Variants in ATP8B2 observed in about 807,000 individuals in gnomAD.
ATP8B2 encodes phospholipid-transporting ATPase ID.
In ATP8B2, 70 loss-of-function variants were observed where a neutral mutation model predicts 133.4. The observed-to-expected ratio is 0.52, with a 90% CI of 0.43 to 0.64. ATP8B2 has a LOEUF of 0.64. Among genes scored for constraint, ATP8B2 ranks in the 30% least tolerant of loss-of-function variants. ATP8B2 has a pLI of 0.00. For missense variants in ATP8B2, 1,101 were observed against 1,535.7 expected (o/e 0.72, Z 4.73); for synonymous variants, 517 against 589.5 (o/e 0.88, Z 1.78).
Position 154,343,537 on chromosome 1 carries a change from A to G in ATP8B2, c.1727A>G (p.Glu576Gly). ...LLDRLHHSTQ[E>G]LLNTTMDHLN... ...GACAGACTGCACCACTCCACTCAAG[A>G]GCTGCTCAACACCACCATGGACCAC... The change falls in exon 17 of 28, where the codon GAG (glutamate) becomes GGG (glycine). Residue 576 changes from glutamate to glycine, a missense_variant. By Grantham distance (98) the Glu-to-Gly change is moderately conservative. Transcript: ENST00000368489. This position sits in a 1 kb window ranked among gnomAD's most constrained non-coding sequence, Gnocchi z 5.8. The G allele has an allele frequency of 6.2e-7, 1 of 1,613,918 alleles. No individual in the cohort carries two copies. The highest frequency in any genetic ancestry group is 2.2e-5 in the East Asian group (1 of 44,870).
chr1:154,344,013 G>A lies in ATP8B2; in HGVS notation c.1879G>A (p.Asp627Asn), dbSNP rs536813523. The A allele has an allele frequency of 6.2e-7, 1 of 1,614,174 alleles. No individual in the cohort carries two copies. Among genetic ancestry groups the A allele is most frequent in the South Asian group, 1.1e-5 (1 of 91,088 alleles). ...CAGCCTGGCCCAGGACAGCCGGGAG[G>A]ACAGGCTGGCTAGCATCTATGAGGA... ...QASLAQDSRE[D>N]RLASIYEEVE... Residue 627 changes from aspartate to asparagine, a missense_variant, in exon 18 of 28, where the codon GAC becomes AAC. Asp to Asn is a conservative substitution (Grantham distance 23). Coordinates refer to ENST00000368489, the MANE Select transcript of ATP8B2 (RefSeq NM_001370597.1). The surrounding 1 kb of genome is among the most constrained non-coding windows in gnomAD (Gnocchi z 4.1).
chr1:154,326,201 C>T (rs1685783007), intron 1 of ATP8B2, among the ~76,000 whole-genome samples: 2 of 152,026 alleles, frequency 1.3e-5, no homozygotes, highest in Non-Finnish European at 1.5e-5. Flanking sequence ...GTGCCGGGAG[C>T]CCTGAGTTCT....
chr1:154,342,532 C>A lies in ATP8B2; in HGVS notation c.1287+9C>A, dbSNP rs773458897. The A allele has an allele frequency of 8.1e-6, 13 of 1,612,242 alleles. No individual in the cohort carries two copies. Among genetic ancestry groups the A allele is most frequent in the Non-Finnish European group, 1.1e-5 (13 of 1,178,436 alleles). On this transcript the variant is annotated intron_variant, in intron 14 of 27. Transcript: ENST00000368489. ...AAGCTGAATTGGGAGAGGTAAGATT[C>A]AGTCTCCCTAATTCTATGTGCCAGT...
rs565920254 is a variant in ATP8B2, at chr1:154,343,319, G to A, written c.1642+18G>A. On this transcript the variant is annotated intron_variant, in intron 16 of 27. Coordinates refer to ENST00000368489, the MANE Select transcript of ATP8B2 (RefSeq NM_001370597.1). This position sits in a 1 kb window ranked among gnomAD's most constrained non-coding sequence, Gnocchi z 5.8. Reference sequence around the variant, plus strand: ...GGTCATAGGTGAGGCCAGGCCTGGGGTGCTGGGGCGTTTGGGGACAGCATT... The same window carrying A: ...GGTCATAGGTGAGGCCAGGCCTGGGATGCTGGGGCGTTTGGGGACAGCATT... The A allele has an allele frequency of 2.5e-6, 4 of 1,612,980 alleles. No homozygotes were observed. Among genetic ancestry groups the A allele is most frequent in the South Asian group, 2.2e-5 (2 of 90,996 alleles).
Position 154,344,074 on chromosome 1 carries a change from G to C in ATP8B2, c.1923+17G>C, listed in dbSNP as rs367650067. The C allele has an allele frequency of 6.2e-7, 1 of 1,613,964 alleles. No individual in the cohort carries two copies. Among genetic ancestry groups the C allele is most frequent in the South Asian group, 1.1e-5 (1 of 91,084 alleles). On this transcript the variant is annotated intron_variant, in intron 18 of 27. Transcript: ENST00000368489. This position sits in a 1 kb window ranked among gnomAD's most constrained non-coding sequence, Gnocchi z 4.1. ...AACATGATGGTACGGGCTGCGGGAC[G>C]GGCCAAGGATGGGCACGGAGGGCTC...
intron 11 of ATP8B2, among the ~76,000 whole-genome samples, chr1:154,337,097 C>G (rs1325129614): frequency 7.7e-6 from 1 of 130,490 alleles, no homozygotes; most frequent in Admixed American, 8.8e-5. Flanking sequence ...TGCGCCCAGC[C>G]CATAATAGTT....
rs1210988650 is a variant in ATP8B2, at chr1:154,330,920, A to T, written c.196A>T (p.Ile66Phe). The change falls in exon 4 of 28, where the codon ATT becomes TTT. Residue 66 changes from isoleucine to phenylalanine, a missense_variant. By Grantham distance (21) the Ile-to-Phe change is conservative. Transcript: ENST00000368489. ...VANTYFLFLL[I>F]LQLIPQISSL... ...CAACACTTACTTCCTGTTCCTCCTC[A>T]TTCTGCAGGTAGGTGACCCATAGTA... 1 of 1,613,420 alleles carries T rather than the reference A, an allele frequency of 6.2e-7. No homozygotes were observed. The highest frequency in any genetic ancestry group is 1.1e-5 in the South Asian group (1 of 91,052).
rs576140866 is a variant in ATP8B2, at chr1:154,343,493, G to A, written c.1683G>A (p.Gly561=). The change falls in exon 17 of 28, where the codon GGG becomes GGA. Residue 561 remains glycine, a synonymous_variant. Coordinates refer to ENST00000368489, the MANE Select transcript of ATP8B2 (RefSeq NM_001370597.1). This position sits in a 1 kb window ranked among gnomAD's most constrained non-coding sequence, Gnocchi z 5.8. ...PEGKIRLYCK[G]ADTILLDRLH... is the part of the protein sequence containing the mutation. Reference sequence around the variant, plus strand: ...GGAAGATCCGACTCTACTGCAAAGGGGCTGACACTATCCTACTGGACAGAC... The same window carrying A: ...GGAAGATCCGACTCTACTGCAAAGGAGCTGACACTATCCTACTGGACAGAC... 2 of 1,614,064 alleles carry A rather than the reference G, an allele frequency of 1.2e-6. No homozygotes were observed. Among genetic ancestry groups the A allele is most frequent in the Middle Eastern group, 3.3e-4 (2 of 6,062 alleles).
At chr1:154,339,071 T>G (rs1027697015) in intron 12 of ATP8B2, among the ~76,000 whole-genome samples, 9 of 152,196 alleles carry the variant, frequency 5.9e-5, no homozygotes, top group African/African-American at 2.2e-4. Context: ...AAGGAAATGT[T>G]TTATGGAGGT....
rs1452502051 is a variant in ATP8B2, at chr1:154,345,268, A to G, written c.2471-54A>G. The G allele has an allele frequency of 1.2e-5, 19 of 1,609,668 alleles. No individual in the cohort carries two copies. The South Asian group carries it at 1.9e-4, about 16-fold the overall frequency. On this transcript the variant is annotated intron_variant, in intron 22 of 27. Coordinates refer to ENST00000368489, the MANE Select transcript of ATP8B2 (RefSeq NM_001370597.1). This position sits in a 1 kb window ranked among gnomAD's most constrained non-coding sequence, Gnocchi z 5.6. ...AGGGGGTTGTAACTTGGTAGGCTCT[A>G]AAGTGTGTGGCCGGTGGCCATCTTC...
In ATP8B2 at chr1:154,349,049, C is replaced by A. The variant is rs1451153647; in HGVS notation, c.3504C>A (p.Ser1168Arg). The change falls in exon 28 of 28, where the codon AGC becomes AGA. Residue 1168 changes from serine (S) to arginine (R), a missense_variant. Transcript: ENST00000368489. ...GCTCCAGCTCCAGCTGGATTGAGAG[C>A]CTGCGCAGGAAGAAGAGTGACAGTG... ...TTRSSSSWIE[S>R]LRRKKSDSAS... The A allele has an allele frequency of 6.2e-7, 1 of 1,614,246 alleles. No homozygotes were observed. The highest frequency in any genetic ancestry group is 8.5e-7 in the Non-Finnish European group (1 of 1,180,042).
Position 154,345,004 on chromosome 1 carries a change from T to C in ATP8B2, c.2320T>C (p.Phe774Leu). 6.2e-7 allele frequency: 1 copy of C among 1,613,700 alleles called. No individual in the cohort carries two copies. Among genetic ancestry groups the C allele is most frequent in the Non-Finnish European group, 8.5e-7 (1 of 1,179,850 alleles). Residue 774 changes from phenylalanine to leucine, a missense_variant, in exon 22 of 28, where the codon TTT (phenylalanine) becomes CTT (leucine). By Grantham distance (22) the Phe-to-Leu change is conservative. Coordinates refer to ENST00000368489, the MANE Select transcript of ATP8B2 (RefSeq NM_001370597.1). The surrounding 1 kb of genome is among the most constrained non-coding windows in gnomAD (Gnocchi z 5.6). The stretch of plus-strand genomic sequence containing the variant: ...ACTGGAGGCAGACATGGAGCTGGAG[T>C]TTCTGGAGACAGCGTGTGCCTGCAA... ...HALEADMELEFLETACACKAV... is the reference protein window; with the variant it reads ...HALEADMELELLETACACKAV...
Position 154,348,495 on chromosome 1 carries a change from T to G in ATP8B2, c.3251T>G (p.Phe1084Cys). The G allele has an allele frequency of 6.2e-7, 1 of 1,614,148 alleles. No individual in the cohort carries two copies. Among genetic ancestry groups the G allele is most frequent in the Non-Finnish European group, 8.5e-7 (1 of 1,180,010 alleles). ...GTCTGCATCATGCCCGTGGTTGCCT[T>G]CCGATTCCTCAGGCTCAACCTGAAG... ...TVVCIMPVVA[F>C]RFLRLNLKPD... The change falls in exon 27 of 28, where the codon TTC (phenylalanine) becomes TGC (cysteine). Residue 1084 changes from phenylalanine to cysteine, a missense_variant. Phe to Cys is a radical substitution (Grantham distance 205). Transcript: ENST00000368489.
chr1:154,342,629 T>C (rs1031328019), intron 14 of ATP8B2, 106 bp downstream of exon 14: 6 of 1,468,800 alleles, frequency 4.1e-6, no homozygotes, highest in Admixed American at 1.7e-5. Flanking sequence ...TGGAAGCTGC[T>C]TGGAGAAATG....
At chr1:154,330,598 A>G (rs767378065) in intron 3 of ATP8B2, 144 bp downstream of exon 3, 16 of 873,076 alleles carry the variant, frequency 1.8e-5, no homozygotes, top group South Asian at 1.3e-4. Context: ...TCCATCTGCT[A>G]TCGTGCTGAA....
chr1:154,333,129 G>C (rs931374412), intron 9 of ATP8B2, among the ~76,000 whole-genome samples: 2 of 152,154 alleles, frequency 1.3e-5, no homozygotes, highest in African/African-American at 4.8e-5. Flanking sequence ...GGTCAACATG[G>C]TGAAACCCTG....
In ATP8B2 at chr1:154,345,655, C is replaced by T. The variant is rs560657608; in HGVS notation, c.2694+110C>T. On this transcript the variant is annotated intron_variant, in intron 23 of 27. Coordinates refer to ENST00000368489, the MANE Select transcript of ATP8B2 (RefSeq NM_001370597.1). The surrounding 1 kb of genome is among the most constrained non-coding windows in gnomAD (Gnocchi z 5.6). ...GGGCCTAGCTATTTTCTGGTACATA[C>T]TCTTAAAAAATGCTTATTAAAGGAG... 8.3e-6 allele frequency: 11 copies of T among 1,324,574 alleles called. No homozygotes were observed. The highest frequency in any genetic ancestry group is 2.9e-5 in the African/African-American group (2 of 68,134). The allele number at this position is 1,324,574 out of a possible 1,614,324, so 82.1% of individuals were successfully genotyped here.
chr1:154,345,907 A>G lies in ATP8B2; in HGVS notation c.2778+24A>G. The G allele has an allele frequency of 6.3e-7, 1 of 1,576,054 alleles. No homozygotes were observed. ...AGGTATGGGGGAGTTTGATGATCAG[A>G]TGGGATGCGGGGAAGGTCACTGCTT... On this transcript the variant is annotated intron_variant, in intron 24 of 27. Coordinates refer to ENST00000368489, the MANE Select transcript of ATP8B2 (RefSeq NM_001370597.1). The surrounding 1 kb of genome is among the most constrained non-coding windows in gnomAD (Gnocchi z 5.6).
rs1287190979 is a variant in ATP8B2 at position 154,331,989 on chromosome 1, T to C, written c.474T>C (p.His158=). 1 of 1,614,170 alleles carries C rather than the reference T, an allele frequency of 6.2e-7. No homozygotes were observed. The highest frequency in any genetic ancestry group is 1.7e-5 in the Admixed American group (1 of 60,024). The part of the protein sequence containing the change: ...DLLLLSSSEP[H]GLCYIETAEL... The stretch of plus-strand genomic sequence containing the variant: ...TCCTCCTTTCCAGCAGTGAGCCCCA[T>C]GGGCTGTGTTACATAGAGACAGCAG... The change falls in exon 8 of 28, where the codon CAT becomes CAC. Residue 158 remains histidine (H), a synonymous_variant. Transcript: ENST00000368489. The surrounding 1 kb of genome is among the most constrained non-coding windows in gnomAD (Gnocchi z 4.8).
Sources: allele counts gnomAD v4.1 joint callset (sites outside exome capture counted in the v4.1 genomes callset), GRCh38; gene constraint gnomAD v4.1.1; non-coding constraint Gnocchi (gnomAD v3.1); transcripts MANE v1.5; gene names NCBI Gene and HGNC (gene_info 2026-07-23, HGNC 2026-07-21).